SRPX: variants seen among roughly 807,000 people sequenced by gnomAD.
SRPX encodes sushi repeat-containing protein SRPX.
In SRPX, 24 loss-of-function variants were observed where a neutral mutation model predicts 38.1. The ratio of observed to expected loss-of-function variants is 0.63; its 90% CI spans 0.46 to 0.89. The LOEUF is 0.89. SRPX is among the 40% of genes least tolerant of loss of function. SRPX has a pLI of 0.00. For synonymous variants in SRPX, 184 were observed against 153.8 expected (o/e 1.20, Z -1.45); for missense variants, 416 against 377.8 (o/e 1.10, Z -0.84).
chrX:38,201,627 C>T (rs1190237254), intron 1 of SRPX, among the ~76,000 whole-genome samples: 1 of 111,073 alleles, frequency 9.0e-6, no homozygotes, highest in East Asian at 2.8e-4. Context: ...GTCAGGAGAT[C>T]GAGACCACGG....
In SRPX at chrX:38,178,341, G is replaced by T; in HGVS notation, c.101C>A (p.Ser34Ter). The change falls in exon 2 of 10, where the codon TCG becomes TAG. Residue 34 changes from serine (S) to a stop codon, truncating the protein, a stop_gained. Coordinates refer to ENST00000378533, the MANE Select transcript of SRPX (RefSeq NM_006307.5). LOFTEE classifies it high-confidence loss of function. ...ATCGTCTTCTAGTGGTGAGTCTCCC[G>T]ATCCTACAATAAAAAAGAACAGAAA... ...RVPPSRSFPG[S>*]GDSPLEDDEV... 8.3e-7 allele frequency: 1 copy of T among 1,206,879 alleles called. No homozygotes were observed.
chrX:38,184,747 T>C (rs914087620), intron 1 of SRPX, among the ~76,000 whole-genome samples: 9 of 112,335 alleles, frequency 8.0e-5, no homozygotes, highest in African/African-American at 2.9e-4. Flanking sequence ...TCCTTCTTTT[T>C]GATATTTAAC....
In SRPX at chrX:38,191,647, T is replaced by C. The variant is rs985087144; in HGVS notation, c.98-13303A>G. Among the ~76,000 whole-genome samples, 3 of 111,531 alleles carry C rather than the reference T, an allele frequency of 2.7e-5. No homozygotes were observed. In the Admixed American group the frequency reaches 2.9e-4, roughly 11 times the overall value. Reference sequence around the variant, plus strand: ...AACCCAAGATGAGCTCTATAATCAATGGAATGGCATAGTTTAATTGGTATC... The same window carrying C: ...AACCCAAGATGAGCTCTATAATCAACGGAATGGCATAGTTTAATTGGTATC... On this transcript the variant is annotated intron_variant, in intron 1 of 9. Transcript: ENST00000378533.
chrX:38,155,580 A>G (rs1938117840), intron 8 of SRPX, among the ~76,000 whole-genome samples: 1 of 112,410 alleles, frequency 8.9e-6, no homozygotes, highest in African/African-American at 3.2e-5. Flanking sequence ...GTAGTGCAAA[A>G]GCAGTTGTAG....
chrX:38,159,913 C>G (rs1335831606), intron 7 of SRPX, 104 bp downstream of exon 7: 1 of 911,083 alleles, frequency 1.1e-6, no homozygotes, highest in African/African-American at 2.0e-5. Flanking sequence ...AGAGGGATGG[C>G]CATGAACTTC....
At chrX:38,164,656 G>A in intron 5 of SRPX, 113 bp downstream of exon 5, 1 of 832,178 alleles carries the variant, frequency 1.2e-6, no homozygotes, top group Non-Finnish European at 1.7e-6. Context: ...AGTGACCAGG[G>A]GGACCACATC....
intron 2 of SRPX, among the ~76,000 whole-genome samples, chrX:38,174,870 G>A (rs1487255970): frequency 1.8e-5 from 2 of 112,003 alleles, no homozygotes; most frequent in African/African-American, 6.5e-5. Context: ...CTAAAATGTT[G>A]TAATACTGGC....
chrX:38,219,383 T>A (rs1210724551), intron 1 of SRPX, among the ~76,000 whole-genome samples: 4 of 110,657 alleles, frequency 3.6e-5, no homozygotes, highest in African/African-American at 1.3e-4. Flanking sequence ...TGACTTCCTC[T>A]TCCCCTACAG....
chrX:38,212,993 C>G (rs1939358374), intron 1 of SRPX, among the ~76,000 whole-genome samples: 1 of 112,587 alleles, frequency 8.9e-6, no homozygotes, highest in South Asian at 3.7e-4. Context: ...GTGCTTTATG[C>G]ACCAGTGGTG....
At chrX:38,212,781 C>G (rs1373093792) in intron 1 of SRPX, among the ~76,000 whole-genome samples, 1 of 111,175 alleles carries the variant, frequency 9.0e-6, no homozygotes, top group Non-Finnish European at 1.9e-5. Context: ...CCGTCACACC[C>G]TCAAAAAGAG....
intron 1 of SRPX, among the ~76,000 whole-genome samples, chrX:38,214,044 A>C (rs776310730): frequency 5.4e-5 from 6 of 111,664 alleles, no homozygotes; most frequent in Admixed American, 9.5e-5. Context: ...GCTCAGTGCC[A>C]TTCATTCTTG....
chrX:38,208,989 T>C (rs1487831718), intron 1 of SRPX, among the ~76,000 whole-genome samples: 102 of 50,477 alleles, frequency 2.0e-3, no homozygotes, highest in African/African-American at 4.3e-3. Flanking sequence ...GCTCAGCCTA[T>C]ATATATATAT....
intron 9 of SRPX, chrX:38,153,858 G>A (rs1368244734): frequency 1.8e-5 from 2 of 111,941 alleles, no homozygotes; most frequent in African/African-American, 6.5e-5. Context: ...GGTGAGAAAG[G>A]AAGATTTTAA....
chrX:38,190,847 G>C (rs1938888617), intron 1 of SRPX, among the ~76,000 whole-genome samples: 1 of 111,511 alleles, frequency 9.0e-6, no homozygotes, highest in Non-Finnish European at 1.9e-5. Context: ...TCATACCTAT[G>C]TGGTTCTAGT....
At chrX:38,210,348 A>G (rs1939296922) in intron 1 of SRPX, among the ~76,000 whole-genome samples, 1 of 112,260 alleles carries the variant, frequency 8.9e-6, no homozygotes, top group South Asian at 3.7e-4. Context: ...GTATACTGGC[A>G]TATCAATGAC....
At chrX:38,162,450 T>C (rs1938281665) in intron 5 of SRPX, among the ~76,000 whole-genome samples, 1 of 112,238 alleles carries the variant, frequency 8.9e-6, no homozygotes, top group African/African-American at 3.2e-5. Context: ...GGCCTCTGGG[T>C]TGTAGAACTC....
intron 2 of SRPX, among the ~76,000 whole-genome samples, chrX:38,177,006 T>G (rs1263509705): frequency 9.0e-6 from 1 of 110,664 alleles, no homozygotes; most frequent in Admixed American, 9.7e-5. Context: ...CCTGTCACAT[T>G]TGCAATGCTG....
intron 7 of SRPX, among the ~76,000 whole-genome samples, 171 bp from the exon 8 acceptor site, chrX:38,157,200 G>A (rs1243779674): frequency 9.0e-6 from 1 of 111,632 alleles, no homozygotes; most frequent in Non-Finnish European, 1.9e-5. Context: ...GGAGGAGTAC[G>A]GAAGTATATT....
chrX:38,158,637 CA>C (rs1427608427), intron 7 of SRPX, among the ~76,000 whole-genome samples: 2 of 111,188 alleles, frequency 1.8e-5, no homozygotes, highest in African/African-American at 3.3e-5. Context: ...AAGAGAAATA[CA>C]ATGTAAGCCA....
Sources: allele counts gnomAD v4.1 joint callset (sites outside exome capture counted in the v4.1 genomes callset), GRCh38; gene constraint gnomAD v4.1.1; transcripts MANE v1.5; gene names NCBI Gene and HGNC (gene_info 2026-07-23, HGNC 2026-07-21).